Variants in UCK2 observed in about 807,000 individuals in gnomAD.
The protein encoded by UCK2 is uridine-cytidine kinase 2, also known as cytidine monophosphokinase 2.
A neutral mutation model predicts 30.8 loss-of-function variants in UCK2; 6 were observed. The ratio of observed to expected loss-of-function variants is 0.19; its 90% CI spans 0.11 to 0.38. The LOEUF is 0.38. Ranked by LOEUF, UCK2 falls within the 10% of genes least tolerant of loss-of-function variation. UCK2 has a pLI of 1.00. For missense variants in UCK2, 210 were observed against 339.8 expected (o/e 0.62, Z 3.00); for synonymous variants, 125 against 133.6 (o/e 0.94, Z 0.45).
chr1:165,907,769 C>A lies in UCK2; in HGVS notation c.732C>A (p.Gly244=), dbSNP rs1381753003. Residue 244 remains glycine (G), a synonymous_variant, in exon 7 of 7, where the codon GGC becomes GGA. Coordinates refer to ENST00000367879, the MANE Select transcript of UCK2 (RefSeq NM_012474.5). The stretch of plus-strand genomic sequence containing the variant: ...GGCAGACCAATGGCTGTCTCAACGG[C>A]TACACCCCTTCACGCAAGAGGCAGG... ...SKRQTNGCLN[G]YTPSRKRQAS... The A allele has an allele frequency of 6.2e-7, 1 of 1,614,188 alleles. No individual in the cohort carries two copies. Among genetic ancestry groups the A allele is most frequent in the South Asian group, 1.1e-5 (1 of 91,086 alleles).
At chr1:165,886,097 T>TTGACTTTGCACTA (rs1380001213) in intron 1 of UCK2, among the ~76,000 whole-genome samples, 1 of 152,194 alleles carries the variant, frequency 6.6e-6, no homozygotes, top group Non-Finnish European at 1.5e-5. Context: ...TTCTATGAAT[T>TTGACTTTGCACTA]TGACTTTGCA....
intron 1 of UCK2, among the ~76,000 whole-genome samples, chr1:165,864,376 T>A (rs1418412999): frequency 3.3e-5 from 5 of 152,374 alleles, no homozygotes; most frequent in South Asian, 2.1e-4. Flanking sequence ...AGTTTTTTTT[T>A]AAATGATATT....
At chr1:165,872,788 T>C (rs1218224634) in intron 1 of UCK2, among the ~76,000 whole-genome samples, 5 of 152,204 alleles carry the variant, frequency 3.3e-5, no homozygotes, top group African/African-American at 1.2e-4. Flanking sequence ...TGTATTAGTG[T>C]CTGTGTTTGA....
intron 1 of UCK2, among the ~76,000 whole-genome samples, chr1:165,877,371 A>G (rs1377738791): frequency 1.3e-5 from 2 of 152,220 alleles, no homozygotes; most frequent in African/African-American, 2.4e-5. Flanking sequence ...GTTGACGTTG[A>G]TACAGTGAAG....
At chr1:165,898,681 A>C (rs941719190) in intron 4 of UCK2, among the ~76,000 whole-genome samples, 1 of 152,228 alleles carries the variant, frequency 6.6e-6, no homozygotes, top group Non-Finnish European at 1.5e-5. Context: ...AATAAAGTGC[A>C]TCCTAGTGTC....
intron 1 of UCK2, among the ~76,000 whole-genome samples, chr1:165,844,120 A>G (rs1654391943): frequency 6.6e-6 from 1 of 152,162 alleles, no homozygotes; most frequent in Non-Finnish European, 1.5e-5. Context: ...TTAAGTACCC[A>G]CTGTGTATAG....
chr1:165,827,775 C>T lies in UCK2; in HGVS notation c.-59C>T. On this transcript the variant is annotated 5_prime_UTR_variant, in exon 1 of 7. Transcript: ENST00000367879. The stretch of plus-strand genomic sequence containing the variant: ...GAAAGCGGAGGGAGTCCGACGCGGG[C>T]GCGGGCGGGGAGCGTGCGTCCGTTC... 2.3e-6 allele frequency: 3 copies of T among 1,280,426 alleles called. No homozygotes were observed. The highest frequency in any genetic ancestry group is 3.2e-5 in the East Asian group (1 of 31,644). 79.3% of individuals were successfully genotyped at this position (1,280,426 alleles called of 1,614,324 possible).
chr1:165,830,166 C>G (rs1055373317), intron 1 of UCK2, among the ~76,000 whole-genome samples: 9 of 151,418 alleles, frequency 5.9e-5, no homozygotes, highest in African/African-American at 2.2e-4. Context: ...CCATCATGCC[C>G]GACTAATTTT....
At chr1:165,893,289 C>A (rs1289986169) in intron 3 of UCK2, among the ~76,000 whole-genome samples, 1 of 152,294 alleles carries the variant, frequency 6.6e-6, no homozygotes, top group South Asian at 2.1e-4. Flanking sequence ...GTAGAATTCC[C>A]AGTGCAGACA....
chr1:165,827,667 A>T lies in UCK2; in HGVS notation c.-167A>T. Reference sequence around the variant, plus strand: ...GGAAGGCTCTTGGCTCCTTCGGGAAACCCAGCCCCGTCACCGGGCTCCGAG... The same window carrying T: ...GGAAGGCTCTTGGCTCCTTCGGGAATCCCAGCCCCGTCACCGGGCTCCGAG... On this transcript the variant is annotated 5_prime_UTR_variant, in exon 1 of 7. Transcript: ENST00000367879. 1 of 500,348 alleles carries T rather than the reference A, an allele frequency of 2.0e-6. No individual in the cohort carries two copies. The highest frequency in any genetic ancestry group is 3.1e-6 in the Non-Finnish European group (1 of 317,620). 31.0% of individuals were successfully genotyped at this position (500,348 alleles called of 1,614,324 possible).
chr1:165,881,036 G>A (rs1655484909), intron 1 of UCK2, among the ~76,000 whole-genome samples: 1 of 151,926 alleles, frequency 6.6e-6, no homozygotes, highest in Non-Finnish European at 1.5e-5. Flanking sequence ...TGCTGGGTGT[G>A]GTGGTGCACA....
intron 1 of UCK2, among the ~76,000 whole-genome samples, chr1:165,863,309 C>A (rs901969557): frequency 6.6e-6 from 1 of 152,166 alleles, no homozygotes; most frequent in Non-Finnish European, 1.5e-5. Flanking sequence ...TTGTGAATGG[C>A]GTGAGGAAAA....
At position 165,896,869 on chromosome 1, in the gene UCK2, G is replaced by A. The variant is rs553277913; in HGVS notation, c.499+537G>A. ...CTGTGCCCTCCGCAGGCCCTACTAA[G>A]TGTGGGCCTGCCTGTGCTAAGTCCC... On this transcript the variant is annotated intron_variant, in intron 4 of 6. Coordinates refer to ENST00000367879, the MANE Select transcript of UCK2 (RefSeq NM_012474.5). 2.0e-5 allele frequency among the ~76,000 whole-genome samples: 3 copies of A among 152,344 alleles called. No individual in the cohort carries two copies. The South Asian group carries it at 6.2e-4, about 32-fold the overall frequency.
chr1:165,830,377 T>C lies in UCK2; in HGVS notation c.99+2445T>C, dbSNP rs1571259963. Among the ~76,000 whole-genome samples the C allele has an allele frequency of 2.0e-5, 3 of 150,358 alleles. No individual in the cohort carries two copies. The South Asian group carries it at 6.3e-4, about 32-fold the overall frequency. Reference sequence around the variant, plus strand: ...TCTTGCTCTGTTGCCCAGGCTGGAGTGCAGTGGCATGATCTCGGCTCACTG... The same window carrying C: ...TCTTGCTCTGTTGCCCAGGCTGGAGCGCAGTGGCATGATCTCGGCTCACTG... On this transcript the variant is annotated intron_variant, in intron 1 of 6. Coordinates refer to ENST00000367879, the MANE Select transcript of UCK2 (RefSeq NM_012474.5).
Position 165,827,838 on chromosome 1 carries a change from C to A in UCK2, c.5C>A (p.Ala2Asp). Residue 2 changes from alanine to aspartate, a missense_variant, in exon 1 of 7, where the codon GCC becomes GAC. Around this residue, in one of 4 missense-constraint regions of UCK2, gnomAD observed 50 missense variants for 41.0 expected, o/e 1.22. Coordinates refer to ENST00000367879, the MANE Select transcript of UCK2 (RefSeq NM_012474.5). ...GGAGGAGGGGCGGCGCGAACCATGG[C>A]CGGGGACAGCGAGCAGACCCTGCAG... M[A>D]GDSEQTLQNH... is the part of the protein sequence containing the mutation. 1.4e-6 allele frequency: 2 copies of A among 1,454,712 alleles called. No homozygotes were observed. Among genetic ancestry groups the A allele is most frequent in the African/African-American group, 1.5e-5 (1 of 68,796 alleles). The allele number at this position is 1,454,712 out of a possible 1,614,324, so 90.1% of individuals were successfully genotyped here. A position where few individuals can be genotyped will look rare whatever the true frequency, so the allele number is the denominator to read the frequency against.
In UCK2 at chr1:165,909,228, A is replaced by G. The variant is rs940970325; in HGVS notation, c.*1405A>G. 1.3e-5 allele frequency: 2 copies of G among 152,048 alleles called. No homozygotes were observed. The highest frequency in any genetic ancestry group is 3.1e-3 in the Middle Eastern group (1 of 318). 9.4% of individuals were successfully genotyped at this position (152,048 alleles called of 1,614,324 possible). On this transcript the variant is annotated 3_prime_UTR_variant, in exon 7 of 7. Transcript: ENST00000367879. ...GACATTCTGGGTGGAGGGGAGCCCA[A>G]GTGAGCCTGAAGGAGTTCTGATTAT... is the stretch of plus-strand genomic sequence containing the variant.
chr1:165,885,358 G>T (rs749370478), intron 1 of UCK2: 29 of 398,414 alleles, frequency 7.3e-5, no homozygotes, highest in Non-Finnish European at 1.2e-4. Flanking sequence ...AATTAAATGA[G>T]ATAATGTCTT....
At chr1:165,843,748 A>T in intron 1 of UCK2, among the ~76,000 whole-genome samples, 1 of 152,228 alleles carries the variant, frequency 6.6e-6, no homozygotes, top group African/African-American at 2.4e-5. Flanking sequence ...TCTAAAAAAC[A>T]GGAGAACAAC....
chr1:165,856,089 A>T (rs1654738578), intron 1 of UCK2, among the ~76,000 whole-genome samples: 1 of 152,218 alleles, frequency 6.6e-6, no homozygotes, highest in African/African-American at 2.4e-5. Flanking sequence ...TGTGTCTTCC[A>T]GTGTAGAAGG....
Sources: gnomAD v4.1 joint callset for allele counts (sites outside exome capture counted in the v4.1 genomes callset) on GRCh38, gnomAD v4.1.1 for gene constraint, gnomAD v4.1.1 regional missense constraint, MANE v1.5 for transcripts, NCBI Gene and HGNC (gene_info 2026-07-23, HGNC 2026-07-21) for gene names.